The following CSMD1 variants were observed in gnomAD, a reference collection of about 807,000 sequenced individuals.
CSMD1 encodes CUB and sushi domain-containing protein 1.
Under a neutral mutation model 417.5 loss-of-function variants are expected in CSMD1, and 213 were observed. The observed-to-expected ratio is 0.51, with a 90% confidence interval of 0.46 to 0.57. CSMD1 has a LOEUF of 0.57. Among genes scored for constraint, CSMD1 ranks in the 20% least tolerant of loss-of-function variants. CSMD1 has a pLI of 0.00. For synonymous variants in CSMD1, 2,862 were observed against 1,736.8 expected (o/e 1.65, Z -16.11); for missense variants, 6,923 against 4,529.7 (o/e 1.53, Z -15.17).
intron 1 of CSMD1, among the ~76,000 whole-genome samples, chr8:4,808,362 C>A (rs1049967612): frequency 5.9e-5 from 9 of 152,300 alleles, no homozygotes; most frequent in African/African-American, 1.7e-4. Flanking sequence ...ATTGGTAGGG[C>A]ACTATCTAGA....
At position 4,088,046 on chromosome 8, in the gene CSMD1, C is replaced by T. The variant is rs181553320; in HGVS notation, c.416-55947G>A. 2.6e-5 allele frequency among the ~76,000 whole-genome samples: 4 copies of T among 152,242 alleles called. No homozygotes were observed. The East Asian group carries it at 7.7e-4, about 29-fold the overall frequency. The stretch of plus-strand genomic sequence containing the variant: ...TGTGCTAAATGACACTCCCCCAGCA[C>T]CATGACCTTTGACAATCACAGTAAC... On this transcript the variant is annotated intron_variant, in intron 3 of 69. Coordinates refer to ENST00000635120, the MANE Select transcript of CSMD1 (RefSeq NM_033225.6).
At chr8:3,555,111 A>T (rs1799087702) in intron 10 of CSMD1, among the ~76,000 whole-genome samples, 1 of 152,004 alleles carries the variant, frequency 6.6e-6, no homozygotes, top group South Asian at 2.1e-4. Flanking sequence ...TGACAGGCAA[A>T]CCCTGGCAGG....
At chr8:3,780,750 C>G (rs970890984) in intron 5 of CSMD1, among the ~76,000 whole-genome samples, 17 of 152,260 alleles carry the variant, frequency 1.1e-4, no homozygotes, top group African/African-American at 4.1e-4. Context: ...CATTTAATCT[C>G]TTGGGTGACA....
intron 3 of CSMD1, among the ~76,000 whole-genome samples, chr8:4,064,127 G>T (rs1267740866): frequency 5.3e-5 from 8 of 152,102 alleles, no homozygotes; most frequent in African/African-American, 1.9e-4. Context: ...CTAGAAAATT[G>T]TTTCTGCCTC....
rs552743302 is a variant in CSMD1, at chr8:4,241,489, G to A, written c.415+178464C>T. ...AGAAGTCGCTTCATGCAGTGAGGAT[G>A]TGTCTTTGAATGTCTGTGCCCCCAG... On this transcript the variant is annotated intron_variant, in intron 3 of 69. Transcript: ENST00000635120. 4.6e-5 allele frequency among the ~76,000 whole-genome samples: 7 copies of A among 152,302 alleles called. No individual in the cohort carries two copies. In the South Asian group the frequency reaches 1.0e-3, roughly 23 times the overall value.
chr8:4,654,825 A>C (rs1173408627), intron 1 of CSMD1, among the ~76,000 whole-genome samples: 1 of 152,080 alleles, frequency 6.6e-6, no homozygotes, highest in African/African-American at 2.4e-5. Flanking sequence ...GTGAAAATGG[A>C]ACTCTATTTT....
chr8:4,589,195 C>A (rs1006977050), intron 2 of CSMD1, among the ~76,000 whole-genome samples: 1 of 152,016 alleles, frequency 6.6e-6, no homozygotes, highest in Non-Finnish European at 1.5e-5. Context: ...TTGGATAGAG[C>A]CTTATCAGAG....
chr8:3,240,559 T>A (rs1049071394), intron 26 of CSMD1, among the ~76,000 whole-genome samples: 2 of 151,222 alleles, frequency 1.3e-5, no homozygotes, highest in African/African-American at 4.9e-5. Flanking sequence ...TTGACTGAAA[T>A]AATGGGGGCT....
chr8:3,142,327 C>G, intron 41 of CSMD1, 138 bp downstream of exon 41: 4 of 783,638 alleles, frequency 5.1e-6, no homozygotes, highest in Non-Finnish European at 8.2e-6. Flanking sequence ...CCACTACTAA[C>G]CAGAAACCAA....
chr8:4,406,352 G>C (rs762762320), intron 3 of CSMD1, among the ~76,000 whole-genome samples: 5 of 152,068 alleles, frequency 3.3e-5, no homozygotes, highest in African/African-American at 4.8e-5. Flanking sequence ...ACAGAATTTA[G>C]GGAAAGAGAG....
chr8:4,583,340 T>C (rs1180789023), intron 2 of CSMD1, among the ~76,000 whole-genome samples: 2 of 152,112 alleles, frequency 1.3e-5, no homozygotes, highest in East Asian at 1.9e-4. Context: ...TCCTCAGGGA[T>C]TGTAAATACA....
intron 29 of CSMD1, among the ~76,000 whole-genome samples, chr8:3,218,609 C>T (rs1401861158): frequency 3.3e-5 from 5 of 150,414 alleles, no homozygotes; most frequent in Admixed American, 6.6e-5. Context: ...CGGTGACTCA[C>T]GTCTATAATC....
intron 2 of CSMD1, among the ~76,000 whole-genome samples, chr8:4,626,473 C>A (rs1802120672): frequency 6.6e-6 from 1 of 151,992 alleles, no homozygotes; most frequent in Non-Finnish European, 1.5e-5. Context: ...GAGATGGGTG[C>A]AACATTTGAG....
At chr8:4,386,756 G>A (rs1369178564) in intron 3 of CSMD1, among the ~76,000 whole-genome samples, 1 of 152,160 alleles carries the variant, frequency 6.6e-6, no homozygotes, top group Non-Finnish European at 1.5e-5. Flanking sequence ...ACTTTAATTA[G>A]GGGTAGAAAC....
At chr8:2,995,938 G>A (rs1283686141) in intron 54 of CSMD1, among the ~76,000 whole-genome samples, 2 of 152,178 alleles carry the variant, frequency 1.3e-5, no homozygotes, top group African/African-American at 4.8e-5. Flanking sequence ...AGCGGAGTAA[G>A]GCGGATTCTA....
intron 3 of CSMD1, among the ~76,000 whole-genome samples, chr8:4,416,525 G>C (rs939442744): frequency 6.6e-6 from 1 of 152,064 alleles, no homozygotes; most frequent in African/African-American, 2.4e-5. Flanking sequence ...TTGAGTCTAA[G>C]AGTTTTGATA....
At chr8:3,798,479 T>A (rs1460053965) in intron 5 of CSMD1, among the ~76,000 whole-genome samples, 1 of 152,002 alleles carries the variant, frequency 6.6e-6, no homozygotes, top group African/African-American at 2.4e-5. Flanking sequence ...TCATATCTTG[T>A]GGATATACTG....
intron 11 of CSMD1, among the ~76,000 whole-genome samples, chr8:3,472,478 G>T (rs1178060884): frequency 1.3e-5 from 2 of 151,990 alleles, no homozygotes; most frequent in Admixed American, 6.6e-5. Context: ...CTACCAATCT[G>T]TCCCATCTCT....
At chr8:3,156,742 G>A (rs750768866) in intron 39 of CSMD1, among the ~76,000 whole-genome samples, 12 of 152,064 alleles carry the variant, frequency 7.9e-5, no homozygotes, top group Non-Finnish European at 1.3e-4. Context: ...CAGTACTGCC[G>A]ATGTTTCCTT....
Sources: allele counts gnomAD v4.1 joint callset (sites outside exome capture counted in the v4.1 genomes callset), GRCh38; gene constraint gnomAD v4.1.1; transcripts MANE v1.5; gene names NCBI Gene and HGNC (gene_info 2026-07-23, HGNC 2026-07-21).